Variants in RSRC1 observed in about 807,000 individuals in gnomAD.
RSRC1 encodes the protein arginine and serine rich coiled-coil 1.
A neutral mutation model predicts 49.1 loss-of-function variants in RSRC1; 39 were observed. The observed-to-expected ratio is 0.79, with a 90% CI of 0.61 to 1.04. RSRC1 has a LOEUF of 1.04. Ranked by LOEUF, RSRC1 falls within the 50% of genes least tolerant of loss-of-function variation. The probability of loss-of-function intolerance (pLI) is 0.00; values close to 1 mark genes in which losing one functional copy is unlikely to be tolerated. For missense variants in RSRC1, 388 were observed against 402.4 expected (o/e 0.96, Z 0.31); for synonymous variants, 143 against 130.8 (o/e 1.09, Z -0.63).
intron 5 of RSRC1, among the ~76,000 whole-genome samples, chr3:158,308,790 G>A (rs1233688407): frequency 6.6e-6 from 1 of 151,890 alleles, no homozygotes; most frequent in Non-Finnish European, 1.5e-5. Context: ...CTTGATGATT[G>A]CAGTTTTGAT....
chr3:158,255,870 A>G (rs1265262645), intron 4 of RSRC1, among the ~76,000 whole-genome samples: 1 of 151,994 alleles, frequency 6.6e-6, no homozygotes, highest in Admixed American at 6.6e-5. Context: ...GGTGTCTGTT[A>G]TTGGTGTATA....
At position 158,123,974 on chromosome 3, in the gene RSRC1, A is replaced by G. The variant is rs1715453516; in HGVS notation, c.303A>G (p.Ser101=). The G allele has an allele frequency of 6.2e-7, 1 of 1,600,082 alleles. No individual in the cohort carries two copies. Among genetic ancestry groups the G allele is most frequent in the African/African-American group, 1.3e-5 (1 of 74,378 alleles). The change falls in exon 3 of 10, where the codon TCA becomes TCG. Residue 101 remains serine, a synonymous_variant. Transcript: ENST00000611884. The part of the protein sequence containing the change: ...GKSYRVQRSR[S]KSRTRRSRSR... The stretch of plus-strand genomic sequence containing the variant: ...CCTATAGAGTTCAGAGGTCTAGGTC[A>G]AAAAGCAGAACAAGAAGGTATGCCT...
chr3:158,453,870 T>G (rs1402707037), intron 6 of RSRC1, among the ~76,000 whole-genome samples: 1 of 152,140 alleles, frequency 6.6e-6, no homozygotes, highest in Admixed American at 6.5e-5. Flanking sequence ...TAATTTCTTA[T>G]GAATTTTATT....
intron 3 of RSRC1, among the ~76,000 whole-genome samples, chr3:158,201,678 T>C (rs1431113651): frequency 6.6e-6 from 1 of 152,218 alleles, no homozygotes; most frequent in Non-Finnish European, 1.5e-5. Flanking sequence ...GATTGTGTTT[T>C]TCAATTACAG....
intron 3 of RSRC1, among the ~76,000 whole-genome samples, chr3:158,198,766 G>T (rs1194207721): frequency 1.3e-5 from 2 of 152,138 alleles, no homozygotes; most frequent in East Asian, 3.9e-4. Flanking sequence ...CATGCTGGGA[G>T]ATGTAGACTG....
intron 3 of RSRC1, among the ~76,000 whole-genome samples, chr3:158,151,127 A>G (rs1411026162): frequency 6.6e-6 from 1 of 152,246 alleles, no homozygotes; most frequent in Non-Finnish European, 1.5e-5. Context: ...AACAAAAGAC[A>G]GATTAACAAG....
chr3:158,534,833 A>T (rs899584016), intron 7 of RSRC1, among the ~76,000 whole-genome samples: 6 of 151,398 alleles, frequency 4.0e-5, no homozygotes, highest in African/African-American at 1.5e-4. Context: ...TAAGTGAAAA[A>T]GGTAAGATAC....
At chr3:158,133,614 C>T (rs972400799) in intron 3 of RSRC1, among the ~76,000 whole-genome samples, 2 of 152,138 alleles carry the variant, frequency 1.3e-5, no homozygotes, top group African/African-American at 4.8e-5. Flanking sequence ...GAAATGCAGG[C>T]ATATCTTCAG....
intron 6 of RSRC1, among the ~76,000 whole-genome samples, chr3:158,384,256 A>G (rs887090496): frequency 3.9e-5 from 6 of 152,178 alleles, no homozygotes; most frequent in Non-Finnish European, 8.8e-5. Context: ...GATTGCAAGT[A>G]CACAGTCAAA....
At chr3:158,142,937 G>A (rs1411697105) in intron 3 of RSRC1, among the ~76,000 whole-genome samples, 6 of 152,146 alleles carry the variant, frequency 3.9e-5, no homozygotes, top group Admixed American at 3.9e-4. Context: ...TCCTAGCATG[G>A]TGGTACCTAA....
rs931678031 is a variant in RSRC1 at position 158,518,100 on chromosome 3, G to A, written c.653-18992G>A. 5.3e-3 allele frequency among the ~76,000 whole-genome samples: 180 copies of A among 33,906 alleles called. 1 individual carries two copies. Among genetic ancestry groups the A allele is most frequent in the South Asian group, 9.8e-3 (7 of 716 alleles). 22.2% of individuals were successfully genotyped at this position (33,906 alleles called of 152,430 possible). On this transcript the variant is annotated intron_variant, in intron 7 of 9. Transcript: ENST00000611884. ...CATATGTACGTAAGTGCGTGCGTGT[G>A]TGTGTGTGTGTGTGTGTGTGTGTGT...
chr3:158,355,225 A>G (rs1731093893), intron 6 of RSRC1, among the ~76,000 whole-genome samples: 1 of 151,884 alleles, frequency 6.6e-6, no homozygotes. Flanking sequence ...GTGTTTAAGA[A>G]TTCTTTGACT....
At chr3:158,379,938 A>G (rs915893435) in intron 6 of RSRC1, among the ~76,000 whole-genome samples, 8 of 151,794 alleles carry the variant, frequency 5.3e-5, no homozygotes, top group African/African-American at 1.9e-4. Flanking sequence ...TCTACCCACT[A>G]GAATGTAAGC....
chr3:158,253,495 G>T (rs1262021139), intron 4 of RSRC1, among the ~76,000 whole-genome samples: 1 of 151,972 alleles, frequency 6.6e-6, no homozygotes. Context: ...TTCATATATG[G>T]TGTGTCCTTG....
At chr3:158,222,241 T>A (rs2108298923) in intron 4 of RSRC1, among the ~76,000 whole-genome samples, 1 of 151,616 alleles carries the variant, frequency 6.6e-6, no homozygotes, top group East Asian at 1.9e-4. Context: ...ATAGCCTCCA[T>A]TTTTTTCACA....
intron 3 of RSRC1, among the ~76,000 whole-genome samples, chr3:158,125,933 A>G (rs111292957): frequency 0.038 from 5,717 of 152,122 alleles, 361 homozygotes; most frequent in African/African-American, 0.13. Flanking sequence ...CAGAATAATG[A>G]CCCATTTATC....
chr3:158,473,760 C>G (rs926792073), intron 7 of RSRC1, among the ~76,000 whole-genome samples: 1 of 151,780 alleles, frequency 6.6e-6, no homozygotes, highest in African/African-American at 2.4e-5. Context: ...TTGTTTTAGG[C>G]AAGTTTTTAA....
At chr3:158,247,874 C>T (rs1187864442) in intron 4 of RSRC1, among the ~76,000 whole-genome samples, 1 of 152,164 alleles carries the variant, frequency 6.6e-6, no homozygotes, top group Non-Finnish European at 1.5e-5. Context: ...TCAGGTTGGC[C>T]ATCGCCCCAC....
At chr3:158,338,730 T>C (rs1730057681) in intron 5 of RSRC1, among the ~76,000 whole-genome samples, 1 of 152,220 alleles carries the variant, frequency 6.6e-6, no homozygotes, top group African/African-American at 2.4e-5. Flanking sequence ...TTTTTCCCTA[T>C]GAAAGTTAAT....
Sources: allele counts gnomAD v4.1 joint callset (sites outside exome capture counted in the v4.1 genomes callset), GRCh38; gene constraint gnomAD v4.1.1; transcripts MANE v1.5; gene names NCBI Gene and HGNC (gene_info 2026-07-23, HGNC 2026-07-21).